The following SSH1 variants were observed in gnomAD, a reference collection of about 807,000 sequenced individuals.
SSH1 encodes the protein slingshot protein phosphatase 1.
SSH1 carries 43 observed loss-of-function variants against 79.7 expected under a neutral mutation model. The ratio of observed to expected loss-of-function variants is 0.54; its 90% CI spans 0.42 to 0.70. The LOEUF (loss-of-function observed/expected upper bound fraction) is 0.70. SSH1 is among the 30% of genes least tolerant of loss of function. The probability of loss-of-function intolerance (pLI) is 0.00; values close to 1 mark genes in which losing one functional copy is unlikely to be tolerated. For synonymous variants in SSH1, 599 were observed against 538.3 expected (o/e 1.11, Z -1.56); for missense variants, 1,206 against 1,358.8 (o/e 0.89, Z 1.77).
At chr12:108,846,758 G>A (rs1170135444) in intron 2 of SSH1, among the ~76,000 whole-genome samples, 2 of 152,176 alleles carry the variant, frequency 1.3e-5, no homozygotes, top group Admixed American at 6.5e-5. Context: ...CATGGTGGGC[G>A]CCCTCTCAGG....
chr12:108,816,616 G>A (rs1321803893), intron 5 of SSH1, among the ~76,000 whole-genome samples: 3 of 152,138 alleles, frequency 2.0e-5, no homozygotes, highest in African/African-American at 7.2e-5. Context: ...TGTCTGAGGC[G>A]AGGCCCACCA....
At chr12:108,839,885 G>C (rs2038734038) in intron 2 of SSH1, among the ~76,000 whole-genome samples, 1 of 152,150 alleles carries the variant, frequency 6.6e-6, no homozygotes. Context: ...GATGGCCACT[G>C]GGTATAGGCC....
intron 10 of SSH1, among the ~76,000 whole-genome samples, chr12:108,802,939 C>T (rs1229462109): frequency 1.3e-5 from 2 of 152,040 alleles, no homozygotes; most frequent in African/African-American, 4.8e-5. Context: ...ACCACCCAAA[C>T]GTCCAAAGGG....
Position 108,820,049 on chromosome 12 carries a change from T to C in SSH1, c.215-1736A>G, listed in dbSNP as rs568872086. ...CATGTTAAGCGTTCTTTCTTTTTCT[T>C]TTTTTTTCAATAGAGACAGGGTTTT... On this transcript the variant is annotated intron_variant, in intron 3 of 14. Transcript: ENST00000326495. Among the ~76,000 whole-genome samples, 6 of 152,068 alleles carry C rather than the reference T, an allele frequency of 3.9e-5. No individual in the cohort carries two copies. The South Asian group carries it at 1.2e-3, about 32-fold the overall frequency.
Position 108,801,051 on chromosome 12 carries a change from C to T in SSH1, c.1002-125G>A, listed in dbSNP as rs746677455. On this transcript the variant is annotated intron_variant, in intron 11 of 14. Coordinates refer to ENST00000326495, the MANE Select transcript of SSH1 (RefSeq NM_018984.4). ...TTAACCAAGGGTCATATGTTCGTGG[C>T]GGGACTTTGGTTTTTCCTTAATAGC... 7.6e-5 allele frequency: 75 copies of T among 991,268 alleles called. 1 individual carries two copies. Among genetic ancestry groups the T allele is most frequent in the South Asian group, 3.5e-4 (23 of 65,310 alleles). 61.4% of individuals were successfully genotyped at this position (991,268 alleles called of 1,614,324 possible).
rs1161232460 is a variant in SSH1, at chr12:108,857,551, C to T, written c.-55G>A. ...ACGTCTCGAGCTAGAGCCGCCACCG[C>T]CACCGCCGCCCGGGCCGGGCCCGGG... On this transcript the variant is annotated 5_prime_UTR_variant, in exon 1 of 15. Transcript: ENST00000326495. The surrounding 1 kb of genome is among the most constrained non-coding windows in gnomAD (Gnocchi z 4.7). The T allele has an allele frequency of 5.0e-6, 5 of 998,226 alleles. No homozygotes were observed. Among genetic ancestry groups the T allele is most frequent in the African/African-American group, 1.8e-5 (1 of 56,654 alleles). The allele number at this position is 998,226 out of a possible 1,614,324, so 61.8% of individuals were successfully genotyped here.
chr12:108,799,341 C>G, intron 12 of SSH1, 141 bp from the exon 13 acceptor site: 3 of 687,442 alleles, frequency 4.4e-6, no homozygotes, highest in Non-Finnish European at 7.3e-6. Context: ...TGCCGAAATC[C>G]TCCTACGTCT....
At chr12:108,815,419 G>A (rs954388154) in intron 5 of SSH1, among the ~76,000 whole-genome samples, 1 of 152,226 alleles carries the variant, frequency 6.6e-6, no homozygotes, top group African/African-American at 2.4e-5. Context: ...CACAGGCCAT[G>A]GGAGGCCGAT....
chr12:108,804,803 C>G (rs778227516), intron 10 of SSH1, among the ~76,000 whole-genome samples: 1 of 152,170 alleles, frequency 6.6e-6, no homozygotes. Flanking sequence ...CAGTTGACTA[C>G]GCCAAATAGC....
rs1157818878 is a variant in SSH1 at position 108,826,297 on chromosome 12, T to TG, written c.111-2937_111-2936insC. The stretch of plus-strand genomic sequence containing the variant: ...TTCCTCCTCCATGTTCCTACACTGA[T>TG]AAGAATCAGGGACTCCTGCTCTACG... On this transcript the variant is annotated intron_variant, in intron 2 of 14. Coordinates refer to ENST00000326495, the MANE Select transcript of SSH1 (RefSeq NM_018984.4). 71 of 379,174 alleles carry TG rather than the reference T, an allele frequency of 1.9e-4. 1 individual carries two copies. Among genetic ancestry groups the TG allele is most frequent in the Non-Finnish European group, 2.6e-4 (50 of 195,864 alleles). 23.5% of individuals were successfully genotyped at this position (379,174 alleles called of 1,614,324 possible).
At position 108,798,093 on chromosome 12, in the gene SSH1, G is replaced by A. The variant is rs536250774; in HGVS notation, c.1349+907C>T. Among the ~76,000 whole-genome samples the A allele has an allele frequency of 5.1e-4, 78 of 152,340 alleles. 1 individual carries two copies. The highest frequency in any genetic ancestry group is 1.7e-3 in the African/African-American group (72 of 41,588). Reference sequence around the variant, plus strand: ...TCACTCCTGCCAGAGCAAAGAGGCCGGTTCCTCCACTCGCTCACCCCAGTT... The same window carrying A: ...TCACTCCTGCCAGAGCAAAGAGGCCAGTTCCTCCACTCGCTCACCCCAGTT... On this transcript the variant is annotated intron_variant, in intron 13 of 14. Transcript: ENST00000326495.
At chr12:108,855,036 G>C (rs1481629257) in intron 1 of SSH1, among the ~76,000 whole-genome samples, 1 of 152,016 alleles carries the variant, frequency 6.6e-6, no homozygotes, top group East Asian at 1.9e-4. Context: ...TGTTTATCAG[G>C]GTCATTGGCA....
At chr12:108,838,491 G>A (rs951840341) in intron 2 of SSH1, among the ~76,000 whole-genome samples, 15 of 152,338 alleles carry the variant, frequency 9.8e-5, no homozygotes, top group African/African-American at 3.6e-4. Context: ...AACAGCAGGG[G>A]CTGACCTGCC....
At chr12:108,823,501 T>C (rs1199950424) in intron 2 of SSH1, 140 bp from the exon 3 acceptor site, 1 of 733,966 alleles carries the variant, frequency 1.4e-6, no homozygotes, top group African/African-American at 1.7e-5. Flanking sequence ...TTTATAATAA[T>C]TCCACGTAGT....
intron 13 of SSH1, among the ~76,000 whole-genome samples, chr12:108,798,428 T>C (rs2036842291): frequency 6.6e-6 from 1 of 152,194 alleles, no homozygotes; most frequent in African/African-American, 2.4e-5. Flanking sequence ...AGACTCGAAC[T>C]CTTGGGCTCA....
chr12:108,793,814 AAG>A (rs1271905516), intron 13 of SSH1, among the ~76,000 whole-genome samples: 3 of 152,232 alleles, frequency 2.0e-5, no homozygotes, highest in South Asian at 2.1e-4. Context: ...GAGGGTTAAA[AAG>A]AGAGAGGTAA....
intron 2 of SSH1, among the ~76,000 whole-genome samples, chr12:108,844,709 TA>T (rs2038858935): frequency 6.6e-6 from 1 of 152,202 alleles, no homozygotes; most frequent in Non-Finnish European, 1.5e-5. Context: ...TTAAAGGCGG[TA>T]AGACAGTCAT....
intron 2 of SSH1, chr12:108,826,165 T>C (rs1241874901): frequency 2.2e-6 from 1 of 455,154 alleles, no homozygotes; most frequent in Non-Finnish European, 4.4e-6. Flanking sequence ...TTGGAAACCA[T>C]GAGCAAAAAT....
chr12:108,828,501 C>CT (rs2038388699), intron 2 of SSH1, among the ~76,000 whole-genome samples: 1 of 152,234 alleles, frequency 6.6e-6, no homozygotes, highest in South Asian at 2.1e-4. Context: ...GGCAAAGCCA[C>CT]TAAGGCACTG....
Sources: gnomAD v4.1 joint callset for allele counts (sites outside exome capture counted in the v4.1 genomes callset) on GRCh38, gnomAD v4.1.1 for gene constraint, Gnocchi (gnomAD v3.1) non-coding constraint, MANE v1.5 for transcripts, NCBI Gene and HGNC (gene_info 2026-07-23, HGNC 2026-07-21) for gene names.